The following TRIM49 variants were observed in gnomAD, a reference collection of about 807,000 sequenced individuals.
TRIM49 encodes tripartite motif-containing protein 49.
A neutral mutation model predicts 27.4 loss-of-function variants in TRIM49; 5 were observed. The observed-to-expected ratio is 0.18, with a 90% confidence interval of 0.10 to 0.38. The LOEUF is 0.38. TRIM49 is among the 10% of genes least tolerant of loss of function. TRIM49 has a pLI of 1.00. For missense variants in TRIM49, 188 were observed against 487.5 expected (o/e 0.39, Z 5.79); for synonymous variants, 69 against 166.0 (o/e 0.42, Z 4.49).
At chr11:89,785,111 A>G in the TRIM49 span, among the ~76,000 whole-genome samples, 305 of 147,434 alleles carry the variant, frequency 2.1e-3, 11 homozygotes, top group African/African-American at 7.7e-3. Flanking sequence ...CAGATTTTTT[A>G]TGGAGGCTGA....
intron 4 of TRIM49, among the ~76,000 whole-genome samples, chr11:89,802,998 C>T (rs1380250742): frequency 6.6e-6 from 1 of 150,550 alleles, no homozygotes; most frequent in African/African-American, 2.5e-5. Flanking sequence ...TCATGAAATA[C>T]TTTTCAACAA....
At chr11:89,793,086 A>G (rs1204602456), downstream of TRIM49, among the ~76,000 whole-genome samples, 2 of 152,014 alleles carry the variant, frequency 1.3e-5, no homozygotes, top group Non-Finnish European at 2.9e-5. Flanking sequence ...CCACAGAAAT[A>G]CAAACTACCA....
At chr11:89,780,049 G>A in the TRIM49 span, among the ~76,000 whole-genome samples, 1 of 101,252 alleles carries the variant, frequency 9.9e-6, no homozygotes, top group Admixed American at 9.8e-5. Flanking sequence ...CTAGAGGGGT[G>A]GGAGGTTAAA....
At chr11:89,788,030 C>T in the TRIM49 span, among the ~76,000 whole-genome samples, 4 of 144,390 alleles carry the variant, frequency 2.8e-5, no homozygotes, top group Non-Finnish European at 4.5e-5. Flanking sequence ...GTACACCTAG[C>T]GGGCATGTTG....
chr11:89,791,731 C>G, the TRIM49 span, among the ~76,000 whole-genome samples: 1 of 152,192 alleles, frequency 6.6e-6, no homozygotes, highest in African/African-American at 2.4e-5. Flanking sequence ...CCTAAAAGAG[C>G]TCCTAAAGGA....
the TRIM49 span, chr11:89,785,832 G>A: frequency 6.9e-6 from 1 of 144,610 alleles, no homozygotes; most frequent in South Asian, 2.2e-4. Context: ...GGTTTCCGCC[G>A]GGCTTGGGGC....
At chr11:89,768,271 C>T in the TRIM49 span, 2 of 1,501,904 alleles carry the variant, frequency 1.3e-6, no homozygotes, top group South Asian at 2.3e-5. Flanking sequence ...GCATGTGCAG[C>T]AGCACGGACT....
the TRIM49 span, chr11:89,768,702 A>C: frequency 2.2e-6 from 1 of 446,966 alleles, no homozygotes; most frequent in Non-Finnish European, 4.4e-6. Context: ...ACACACAATC[A>C]CATTGACACA....
At chr11:89,793,884 C>T (rs1295366840), downstream of TRIM49, among the ~76,000 whole-genome samples, 1 of 151,830 alleles carries the variant, frequency 6.6e-6, no homozygotes, top group Non-Finnish European at 1.5e-5. Flanking sequence ...GAAGTTCTGG[C>T]CAGGGCAATC....
At chr11:89,803,447 T>A (rs1949755260) in intron 4 of TRIM49, among the ~76,000 whole-genome samples, 1 of 147,832 alleles carries the variant, frequency 6.8e-6, no homozygotes, top group Non-Finnish European at 1.5e-5. Context: ...GATCTGTTGG[T>A]GTATAACTAT....
At chr11:89,768,686 A>G in the TRIM49 span, 2 of 426,938 alleles carry the variant, frequency 4.7e-6, no homozygotes, top group Admixed American at 4.7e-5. Context: ...AAGTACACAC[A>G]CTTACACACA....
the TRIM49 span, among the ~76,000 whole-genome samples, chr11:89,790,928 T>C: frequency 6.6e-6 from 1 of 152,058 alleles, no homozygotes; most frequent in African/African-American, 2.4e-5. Flanking sequence ...AGAGAAGAAG[T>C]CTTCAGACGA....
chr11:89,793,402 A>T (rs1472723495), downstream of TRIM49, among the ~76,000 whole-genome samples: 4 of 152,298 alleles, frequency 2.6e-5, no homozygotes, highest in African/African-American at 7.2e-5. Context: ...CATCATCCTG[A>T]TACCAAAGCT....
At chr11:89,804,993 G>A (rs1336127932) in intron 2 of TRIM49, among the ~76,000 whole-genome samples, 3 of 151,140 alleles carry the variant, frequency 2.0e-5, no homozygotes. Flanking sequence ...TAACAAGCCT[G>A]CAAGTCCTGC....
chr11:89,805,548 A>G (rs1949782577), intron 2 of TRIM49, among the ~76,000 whole-genome samples: 1 of 151,922 alleles, frequency 6.6e-6, no homozygotes, highest in Non-Finnish European at 1.5e-5. Flanking sequence ...GAGCTTAGCC[A>G]GGATACCGGT....
the TRIM49 span, chr11:89,766,820 T>C: frequency 7.6e-7 from 1 of 1,321,160 alleles, no homozygotes; most frequent in Non-Finnish European, 1.1e-6. Flanking sequence ...AAAGAAGAAA[T>C]ATGTCCTTAG....
downstream of TRIM49, among the ~76,000 whole-genome samples, chr11:89,796,008 A>C (rs79712095): frequency 0.011 from 1,601 of 151,726 alleles, 26 homozygotes; most frequent in East Asian, 0.2. Flanking sequence ...TCCTCTAGAC[A>C]TGAGACTATT....
the TRIM49 span, chr11:89,768,179 C>G: frequency 4.6e-6 from 6 of 1,303,548 alleles, 1 homozygote; most frequent in Admixed American, 6.9e-5. Flanking sequence ...ACCAAGAGGG[C>G]CACACTCACC....
chr11:89,804,777 A>C (rs1381568593), intron 2 of TRIM49, among the ~76,000 whole-genome samples: 2 of 151,340 alleles, frequency 1.3e-5, no homozygotes, highest in Non-Finnish European at 2.9e-5. Context: ...TTTTGATTCT[A>C]AGTGGTCAGA....
Sources: gnomAD v4.1 joint callset for allele counts (sites outside exome capture counted in the v4.1 genomes callset) on GRCh38, gnomAD v4.1.1 for gene constraint, MANE v1.5 for transcripts, NCBI Gene and HGNC (gene_info 2026-07-23, HGNC 2026-07-21) for gene names.